CBL: variants seen among roughly 807,000 people sequenced by gnomAD.
The protein encoded by CBL is E3 ubiquitin-protein ligase CBL.
CBL carries 45 observed loss-of-function variants against 96.9 expected under a neutral mutation model. The observed-to-expected ratio is 0.46, with a 90% CI of 0.37 to 0.60. CBL has a LOEUF of 0.60. Among genes scored for constraint, CBL ranks in the 20% least tolerant of loss-of-function variants. CBL has a pLI of 0.00. For missense variants in CBL, 1,024 were observed against 1,143.5 expected, an observed-to-expected ratio of 0.90 and a Z score of 1.51; for synonymous variants, 420 against 426.8, an observed-to-expected ratio of 0.98 and a Z score of 0.20.
chr11:119,250,982 T>G (rs1309434192), intron 2 of CBL, among the ~76,000 whole-genome samples: 2 of 152,292 alleles, frequency 1.3e-5, no homozygotes, highest in Middle Eastern at 3.4e-3. Flanking sequence ...ATATTTTGTC[T>G]AATTTTTTTA....
intron 6 of CBL, among the ~76,000 whole-genome samples, chr11:119,277,202 A>T (rs1441923194): frequency 6.6e-6 from 1 of 150,810 alleles, no homozygotes; most frequent in East Asian, 2.0e-4. Context: ...AGCCAAGATC[A>T]CTCACTGCAA....
chr11:119,221,654 G>A (rs1170125884), intron 1 of CBL, among the ~76,000 whole-genome samples: 1 of 151,686 alleles, frequency 6.6e-6, no homozygotes, highest in East Asian at 2.0e-4. Flanking sequence ...TGTAATTTCG[G>A]TTACTTGGGA....
rs545860074 is a variant in CBL, at chr11:119,286,447, G to C, written c.1941+881G>C. ...GGTTATTCCCAGATAGGGCAATCATGAGAACTTTATAGAAGGAGTGGCATC... is the reference window on the plus strand; with the variant it reads ...GGTTATTCCCAGATAGGGCAATCATCAGAACTTTATAGAAGGAGTGGCATC... On this transcript the variant is annotated intron_variant, in intron 11 of 15. Coordinates refer to ENST00000264033, the MANE Select transcript of CBL (RefSeq NM_005188.4). 5.9e-5 allele frequency among the ~76,000 whole-genome samples: 9 copies of C among 152,332 alleles called. No homozygotes were observed. In the South Asian group the frequency reaches 1.9e-3, roughly 32 times the overall value.
intron 14 of CBL, 59 bp downstream of exon 14, chr11:119,297,540 A>G (rs1950072966): frequency 1.6e-6 from 2 of 1,266,930 alleles, no homozygotes; most frequent in African/African-American, 1.5e-5. Flanking sequence ...TGAACATGTA[A>G]TATTTGGCAA....
At chr11:119,241,806 T>C (rs6589725) in intron 2 of CBL, among the ~76,000 whole-genome samples, 91,030 of 151,986 alleles carry the variant, frequency 0.6, 28,245 homozygotes, top group East Asian at 0.87. Context: ...TTTCAGTCCA[T>C]GAGAGAGACA....
rs1435711562 is a variant in CBL at position 119,232,896 on chromosome 11, G to A, written c.443+201G>A. 2.0e-5 allele frequency among the ~76,000 whole-genome samples: 3 copies of A among 152,194 alleles called. No individual in the cohort carries two copies. In the East Asian group the frequency reaches 5.8e-4, roughly 29 times the overall value. On this transcript the variant is annotated intron_variant, in intron 2 of 15. Transcript: ENST00000264033. Reference sequence around the variant, plus strand: ...AACTCTGATTGATTTGCTTACCTCTGAAAAATCATTTACTGATAGTAATGA... The same window carrying A: ...AACTCTGATTGATTTGCTTACCTCTAAAAAATCATTTACTGATAGTAATGA...
chr11:119,263,018 G>C (rs1251916434), intron 2 of CBL, among the ~76,000 whole-genome samples: 1 of 152,176 alleles, frequency 6.6e-6, no homozygotes, highest in East Asian at 1.9e-4. Context: ...TCATTTGTAA[G>C]ATACGGTTAG....
At chr11:119,225,255 C>G (rs1949449012) in intron 1 of CBL, among the ~76,000 whole-genome samples, 1 of 152,006 alleles carries the variant, frequency 6.6e-6, no homozygotes, top group Non-Finnish European at 1.5e-5. Context: ...TGCCACCATG[C>G]CTGGCTAATT....
rs890238481 is a variant in CBL, at chr11:119,302,911, C to T, written c.*3130C>T. 1 of 230,108 alleles carries T rather than the reference C, an allele frequency of 4.3e-6. No homozygotes were observed. Among genetic ancestry groups the T allele is most frequent in the African/African-American group, 2.2e-5 (1 of 45,178 alleles). 14.3% of individuals were successfully genotyped at this position (230,108 alleles called of 1,614,324 possible). ...TTCTGCATAATCTACCATTCTTCTC[C>T]TCTCTTTCTCTTCTTATACAGACCC... On this transcript the variant is annotated 3_prime_UTR_variant, in exon 16 of 16. Transcript: ENST00000264033.
intron 13 of CBL, 109 bp from the exon 14 acceptor site, chr11:119,297,275 C>T (rs965832963): frequency 3.2e-6 from 3 of 940,272 alleles, no homozygotes; most frequent in Admixed American, 1.8e-5. Flanking sequence ...CAAGAGTCAA[C>T]TTTAACATTT....
At chr11:119,214,394 C>T (rs550723430) in intron 1 of CBL, among the ~76,000 whole-genome samples, 9 of 152,216 alleles carry the variant, frequency 5.9e-5, no homozygotes, top group South Asian at 2.1e-4. Flanking sequence ...GGATTACAGG[C>T]GTGTGCCACC....
In CBL at chr11:119,299,964, G is replaced by A. The variant is rs1950090636; in HGVS notation, c.*183G>A. On this transcript the variant is annotated 3_prime_UTR_variant, in exon 16 of 16. Coordinates refer to ENST00000264033, the MANE Select transcript of CBL (RefSeq NM_005188.4). ...GAAATGAAAATGGAGCAGCTAGTAT[G>A]TTTTATTATTTTATGGGTCTTGAGT... 4 of 689,674 alleles carry A rather than the reference G, an allele frequency of 5.8e-6. No homozygotes were observed. The highest frequency in any genetic ancestry group is 1.0e-5 in the Non-Finnish European group (4 of 391,502). 42.7% of individuals were successfully genotyped at this position (689,674 alleles called of 1,614,324 possible). A position where few individuals can be genotyped will look rare whatever the true frequency, so the allele number is the denominator to read the frequency against.
chr11:119,223,156 T>C (rs1027534760), intron 1 of CBL, among the ~76,000 whole-genome samples: 2 of 146,512 alleles, frequency 1.4e-5, no homozygotes, highest in Admixed American at 7.0e-5. Context: ...CCAGCCTGGG[T>C]GACAGAGCAA....
chr11:119,291,681 G>T (rs775983352), intron 12 of CBL, among the ~76,000 whole-genome samples: 26 of 152,144 alleles, frequency 1.7e-4, no homozygotes, highest in African/African-American at 6.3e-4. Flanking sequence ...GCACTCCAGC[G>T]TGGGCAACAC....
intron 1 of CBL, among the ~76,000 whole-genome samples, chr11:119,218,203 C>A (rs1242802877): frequency 6.6e-6 from 1 of 152,186 alleles, no homozygotes; most frequent in Non-Finnish European, 1.5e-5. Flanking sequence ...GATGACCCGG[C>A]ACTCACACTT....
At chr11:119,279,926 A>G (rs1217524460) in intron 9 of CBL, among the ~76,000 whole-genome samples, 1 of 152,212 alleles carries the variant, frequency 6.6e-6, no homozygotes, top group Non-Finnish European at 1.5e-5. Context: ...TAATTGTTTT[A>G]TTTAGGAAAA....
Position 119,274,810 on chromosome 11 carries a change from GTGAT to G in CBL, c.748-17_748-14del. 1.2e-6 allele frequency: 2 copies of G among 1,607,182 alleles called. No individual in the cohort carries two copies. Among genetic ancestry groups the G allele is most frequent in the South Asian group, 1.1e-5 (1 of 90,856 alleles). On this transcript the variant is annotated intron_variant, in intron 4 of 15. Coordinates refer to ENST00000264033, the MANE Select transcript of CBL (RefSeq NM_005188.4). ...GTTGTACATCTGACCTGAATAGTCT[GTGAT>G]TGATCTTGTTTCTTTAGCCCTGGTC...
rs189694548 is a variant in CBL, at chr11:119,240,156, A to G, written c.443+7461A>G. Among the ~76,000 whole-genome samples the G allele has an allele frequency of 1.6e-3, 244 of 152,180 alleles. 2 individuals carry two copies. Among genetic ancestry groups the G allele is most frequent in the Admixed American group, 2.9e-3 (44 of 15,270 alleles). Reference sequence around the variant, plus strand: ...AAAAATTCAAAACAATTAGCTGGACATGGTGGCATATACCTGTAATCCCAG... The same window carrying G: ...AAAAATTCAAAACAATTAGCTGGACGTGGTGGCATATACCTGTAATCCCAG... On this transcript the variant is annotated intron_variant, in intron 2 of 15. Transcript: ENST00000264033.
In CBL at chr11:119,297,350, C is replaced by T. The variant is rs369045719; in HGVS notation, c.2154-34C>T. 2.0e-6 allele frequency: 3 copies of T among 1,490,506 alleles called. No individual in the cohort carries two copies. The African/African-American group carries it at 4.1e-5, about 21-fold the overall frequency. 92.3% of individuals were successfully genotyped at this position (1,490,506 alleles called of 1,614,324 possible). ...AGTTTATAGATAACAGTTCTATTTC[C>T]AAAGATCATTATGGCACTTTCCTTC... On this transcript the variant is annotated intron_variant, in intron 13 of 15. Coordinates refer to ENST00000264033, the MANE Select transcript of CBL (RefSeq NM_005188.4).
Sources: allele counts gnomAD v4.1 joint callset (sites outside exome capture counted in the v4.1 genomes callset), GRCh38; gene constraint gnomAD v4.1.1; transcripts MANE v1.5; gene names NCBI Gene and HGNC (gene_info 2026-07-23, HGNC 2026-07-21).